MUC5AC: variants seen among roughly 807,000 people sequenced by gnomAD.
The protein encoded by MUC5AC is mucin-5AC.
In MUC5AC, 158 loss-of-function variants were observed where a neutral mutation model predicts 169.7. That is an observed-to-expected ratio of 0.93 (90% CI 0.82 to 1.06). The LOEUF (loss-of-function observed/expected upper bound fraction) is 1.06, where lower values mean the gene tolerates loss of function less well. Among genes scored for constraint, MUC5AC ranks in the 50% least tolerant of loss-of-function variants. MUC5AC has a pLI of 0.00. For synonymous variants in MUC5AC, 1,975 were observed against 1,237.0 expected, an observed-to-expected ratio of 1.60 and a Z score of -12.52; for missense variants, 4,359 against 3,089.9, an observed-to-expected ratio of 1.41 and a Z score of -9.74.
At chr11:1,178,337 C>T (rs1395542951) in intron 24 of MUC5AC, 107 bp from the exon 25 acceptor site, 2 of 355,912 alleles carry the variant, frequency 5.6e-6, no homozygotes, top group Non-Finnish European at 1.0e-5. Flanking sequence ...GAGGAGGCGG[C>T]CGCAGGGCAG....
At chr11:1,173,627 T>C (rs1392842001) in intron 16 of MUC5AC, among the ~76,000 whole-genome samples, 2 of 146,130 alleles carry the variant, frequency 1.4e-5, no homozygotes, top group African/African-American at 5.2e-5. Flanking sequence ...TCATTACTCA[T>C]CCACTCACTC....
chr11:1,182,494 C>G lies in MUC5AC; in HGVS notation c.4349C>G (p.Pro1450Arg). 2.5e-6 allele frequency: 1 copy of G among 398,640 alleles called. No homozygotes were observed. The highest frequency in any genetic ancestry group is 6.3e-4 in the Middle Eastern group (1 of 1,590). 24.7% of individuals were successfully genotyped at this position (398,640 alleles called of 1,614,324 possible). A position where few individuals can be genotyped will look rare whatever the true frequency, so the allele number is the denominator to read the frequency against. ...CTGGGGCAGCGTGTGCAGTGCAGCC[C>G]GGATGTGGGGCTGACCTGTCGTAAC... ...RALGQRVQCS[P>R]DVGLTCRNRE... Residue 1450 changes from proline to arginine, a missense_variant, in exon 31 of 49, where the codon CCG (proline) becomes CGG (arginine). Pro to Arg is a moderately radical substitution (Grantham distance 103). Coordinates refer to ENST00000621226, the MANE Select transcript of MUC5AC (RefSeq NM_001304359.2).
Position 1,162,602 on chromosome 11 carries a change from A to G in MUC5AC, c.544A>G (p.Arg182Gly), listed in dbSNP as rs911708442. ...CAGCAGCTACACCAAGGTGGAGGCC[A>G]GGCTGGGCCTTGTCCTCATGTGGAA... ...QSSSYTKVEA[R>G]LGLVLMWNHD... The change falls in exon 5 of 49, where the codon AGG becomes GGG. Residue 182 changes from arginine to glycine, a missense_variant. By Grantham distance (125) the Arg-to-Gly change is moderately radical. Coordinates refer to ENST00000621226, the MANE Select transcript of MUC5AC (RefSeq NM_001304359.2). 6.2e-7 allele frequency: 1 copy of G among 1,612,756 alleles called. No homozygotes were observed. Among genetic ancestry groups the G allele is most frequent in the Non-Finnish European group, 8.5e-7 (1 of 1,179,862 alleles).
rs752087911 is a variant in MUC5AC at position 1,199,332 on chromosome 11, A to G, written c.16396-39A>G. On this transcript the variant is annotated intron_variant, in intron 45 of 48. Coordinates refer to ENST00000621226, the MANE Select transcript of MUC5AC (RefSeq NM_001304359.2). Reference sequence around the variant, plus strand: ...GGGGTGCAGACAGAGGGACAGACGGAGGGAGGGTCACTCACCCCGGGGCCT... The same window carrying G: ...GGGGTGCAGACAGAGGGACAGACGGGGGGAGGGTCACTCACCCCGGGGCCT... The G allele has an allele frequency of 1.6e-5, 11 of 702,188 alleles. No individual in the cohort carries two copies. The East Asian group carries it at 2.7e-4, about 17-fold the overall frequency. The allele number at this position is 702,188 out of a possible 1,614,324, so 43.5% of individuals were successfully genotyped here.
Position 1,174,538 on chromosome 11 carries a change from T to C in MUC5AC, c.2008T>C (p.Cys670Arg). 6 of 1,565,592 alleles carry C rather than the reference T, an allele frequency of 3.8e-6. No individual in the cohort carries two copies. Among genetic ancestry groups the C allele is most frequent in the Non-Finnish European group, 5.2e-6 (6 of 1,157,656 alleles). Residue 670 changes from cysteine (C) to arginine (R), a missense_variant, in exon 17 of 49, where the codon TGC (cysteine) becomes CGC (arginine). Transcript: ENST00000621226. ...DTCNCERSED[C>R]LCAALSSYVH... ...CTGCAACTGTGAGCGGAGCGAGGAC[T>C]GCCTGTGCGCCGCGCTGTCCTCCTA...
chr11:1,195,802 G>A (rs1861256395), intron 36 of MUC5AC, 74 bp from the exon 37 acceptor site: 11 of 715,640 alleles, frequency 1.5e-5, no homozygotes, highest in Middle Eastern at 4.8e-4. Context: ...CTGCCCTGAA[G>A]CCTGGGAGCC....
rs1325784367 is a variant in MUC5AC at position 1,183,695 on chromosome 11, C to A, written c.5550C>A (p.Thr1850=). Residue 1850 remains threonine, a synonymous_variant, in exon 31 of 49, where the codon ACC becomes ACA. Coordinates refer to ENST00000621226, the MANE Select transcript of MUC5AC (RefSeq NM_001304359.2). The stretch of plus-strand genomic sequence containing the variant: ...AGACCCCCAGAGGCTGCCACATGAC[C>A]TCCACACCTGGCTCCACCTCTAGCA... ...CCETPRGCHM[T]STPGSTSSSP... is the part of the protein sequence containing the mutation. 8.0e-6 allele frequency: 5 copies of A among 627,928 alleles called. No individual in the cohort carries two copies. Among genetic ancestry groups the A allele is most frequent in the Non-Finnish European group, 1.4e-5 (5 of 352,262 alleles). 38.9% of individuals were successfully genotyped at this position (627,928 alleles called of 1,614,324 possible). A position where few individuals can be genotyped will look rare whatever the true frequency, so the allele number is the denominator to read the frequency against.
chr11:1,186,955 C>T lies in MUC5AC; in HGVS notation c.8810C>T (p.Thr2937Ile), dbSNP rs1235661887. 1.2e-5 allele frequency: 9 copies of T among 733,588 alleles called. No homozygotes were observed. Among genetic ancestry groups the T allele is most frequent in the Non-Finnish European group, 1.5e-5 (6 of 402,074 alleles). The allele number at this position is 733,588 out of a possible 1,614,324, so 45.4% of individuals were successfully genotyped here. ...ATTTSTISVPTTSTTSVPGTT... is the reference protein window; with the variant it reads ...ATTTSTISVPITSTTSVPGTT... ...ACAACCAGCACAATCTCTGTTCCTA[C>T]AACCAGCACAACTTCTGTTCCTGGA... Residue 2937 changes from threonine to isoleucine, a missense_variant, in exon 31 of 49, where the codon ACA (threonine) becomes ATA (isoleucine). Transcript: ENST00000621226.
rs1860179793 is a variant in MUC5AC, at chr11:1,162,660, G to A, written c.588+14G>A. The A allele has an allele frequency of 6.2e-7, 1 of 1,608,426 alleles. No individual in the cohort carries two copies. The highest frequency in any genetic ancestry group is 1.3e-5 in the African/African-American group (1 of 74,836). ...GACAGCCTGCTGGTGAGGCTGGGTG[G>A]GGGTGTCCCGGTGTGCAACTCCAGC... On this transcript the variant is annotated intron_variant, in intron 5 of 48. Coordinates refer to ENST00000621226, the MANE Select transcript of MUC5AC (RefSeq NM_001304359.2).
rs1860744789 is a variant in MUC5AC, at chr11:1,178,765, G to T, written c.3327+82G>T. The T allele has an allele frequency of 5.4e-6, 4 of 733,988 alleles. No individual in the cohort carries two copies. The East Asian group carries it at 1.4e-4, about 25-fold the overall frequency. 45.5% of individuals were successfully genotyped at this position (733,988 alleles called of 1,614,324 possible). On this transcript the variant is annotated intron_variant, in intron 25 of 48. Transcript: ENST00000621226. Reference sequence around the variant, plus strand: ...GCCCCCAGAAGGGAGAAGGGAATGGGGTCTGGGAGACAGCTGCCAACCAAG... The same window carrying T: ...GCCCCCAGAAGGGAGAAGGGAATGGTGTCTGGGAGACAGCTGCCAACCAAG...
In MUC5AC at chr11:1,191,848, C is replaced by T. The variant is rs1172724183; in HGVS notation, c.13703C>T (p.Thr4568Ile). Residue 4568 changes from threonine (T) to isoleucine (I), a missense_variant, in exon 31 of 49, where the codon ACT becomes ATT. Transcript: ENST00000621226. The part of the protein sequence containing the change: ...TTSTTSGPGT[T>I]PSPVPTTSTT... ...AGCACAACCTCTGGTCCTGGAACTA[C>T]TCCCAGCCCTGTTCCCACCACCAGC... The T allele has an allele frequency of 6.6e-6, 5 of 762,224 alleles. No individual in the cohort carries two copies. In the East Asian group the frequency reaches 1.2e-4, roughly 19 times the overall value. 47.2% of individuals were successfully genotyped at this position (762,224 alleles called of 1,614,324 possible). A position where few individuals can be genotyped will look rare whatever the true frequency, so the allele number is the denominator to read the frequency against.
At position 1,181,011 on chromosome 11, in the gene MUC5AC, C is replaced by T. The variant is rs1052532221; in HGVS notation, c.3777-128C>T. On this transcript the variant is annotated intron_variant, in intron 28 of 48. Coordinates refer to ENST00000621226, the MANE Select transcript of MUC5AC (RefSeq NM_001304359.2). ...CCTCCTGTCCCCCAGTCTGGGGGTGCAATGCAGTTCCCAGGGAACTCCACC... is the reference window on the plus strand; with the variant it reads ...CCTCCTGTCCCCCAGTCTGGGGGTGTAATGCAGTTCCCAGGGAACTCCACC... The T allele has an allele frequency of 7.5e-6, 3 of 398,186 alleles. No homozygotes were observed. In the East Asian group the frequency reaches 1.1e-4, roughly 14 times the overall value. 24.7% of individuals were successfully genotyped at this position (398,186 alleles called of 1,614,324 possible). A position where few individuals can be genotyped will look rare whatever the true frequency, so the allele number is the denominator to read the frequency against.
rs192416026 is a variant in MUC5AC at position 1,194,570 on chromosome 11, G to C, written c.15090G>C (p.Ala5030=). ...CGCGCATCGGCGTCAAGATGTACGC[G>C]ACCATCCCGGAGCTGGGAGTCCAGG... ...VVSRIGVKMY[A]TIPELGVQVM... Residue 5030 remains alanine, a synonymous_variant, in exon 35 of 49, where the codon GCG becomes GCC. Coordinates refer to ENST00000621226, the MANE Select transcript of MUC5AC (RefSeq NM_001304359.2). 11 of 764,278 alleles carry C rather than the reference G, an allele frequency of 1.4e-5. No individual in the cohort carries two copies. Among genetic ancestry groups the C allele is most frequent in the Non-Finnish European group, 2.6e-5 (11 of 417,576 alleles). 47.3% of individuals were successfully genotyped at this position (764,278 alleles called of 1,614,324 possible).
At chr11:1,160,810 A>C in intron 2 of MUC5AC, 121 bp downstream of exon 2, 1 of 982,786 alleles carries the variant, frequency 1.0e-6, no homozygotes, top group African/African-American at 1.6e-5. Context: ...CTGAGGACCA[A>C]ACCTGGGGGG....
chr11:1,178,957 C>G (rs1860747970), intron 25 of MUC5AC, 135 bp from the exon 26 acceptor site: 1 of 424,602 alleles, frequency 2.4e-6, no homozygotes, highest in Non-Finnish European at 4.1e-6. Context: ...CAGCCGGCCA[C>G]TTGGGGATGG....
At chr11:1,165,879 C>G (rs1209552144) in intron 11 of MUC5AC, 119 bp downstream of exon 11, 4 of 1,437,428 alleles carry the variant, frequency 2.8e-6, no homozygotes, top group Non-Finnish European at 3.8e-6. Flanking sequence ...TTGGGGGTCC[C>G]CGATGTTGAG....
chr11:1,170,722 C>G (rs1281437836), intron 15 of MUC5AC, among the ~76,000 whole-genome samples: 1 of 129,858 alleles, frequency 7.7e-6, no homozygotes, highest in Non-Finnish European at 1.7e-5. Flanking sequence ...CTCACTGACT[C>G]AACCATTCAC....
Position 1,192,038 on chromosome 11 carries a change from C to T in MUC5AC, c.13893C>T (p.Cys4631=), listed in dbSNP as rs774860417. 3.0e-5 allele frequency: 23 copies of T among 765,036 alleles called. No individual in the cohort carries two copies. The highest frequency in any genetic ancestry group is 2.2e-4 in the Middle Eastern group (1 of 4,460). 47.4% of individuals were successfully genotyped at this position (765,036 alleles called of 1,614,324 possible). The change falls in exon 31 of 49, where the codon TGC becomes TGT. Residue 4631 remains cysteine, a synonymous_variant. Coordinates refer to ENST00000621226, the MANE Select transcript of MUC5AC (RefSeq NM_001304359.2). ...TCACCAGTGACTGTCATCCTCTGTG[C>T]GCCTGGACAAAGTGGTTCGACGTGG... The part of the protein sequence containing the change: ...QPVTSDCHPL[C]AWTKWFDVDF...
intron 15 of MUC5AC, among the ~76,000 whole-genome samples, 164 bp from the exon 16 acceptor site, chr11:1,172,265 G>A (rs1860567469): frequency 6.6e-6 from 1 of 152,216 alleles, no homozygotes; most frequent in African/African-American, 2.4e-5. Flanking sequence ...TTTTCCTCGG[G>A]GAGGGCGCCA....
Sources: gnomAD v4.1 joint callset for allele counts (sites outside exome capture counted in the v4.1 genomes callset) on GRCh38, gnomAD v4.1.1 for gene constraint, MANE v1.5 for transcripts, NCBI Gene and HGNC (gene_info 2026-07-23, HGNC 2026-07-21) for gene names.